HMCN1: variants seen among roughly 807,000 people sequenced by gnomAD.
HMCN1 encodes the protein hemicentin 1, also known as hemicentin-1.
In HMCN1, 321 loss-of-function variants were observed where a neutral mutation model predicts 625.9. The ratio of observed to expected loss-of-function variants is 0.51; its 90% CI spans 0.47 to 0.56. HMCN1 has a LOEUF of 0.56. Ranked by LOEUF, HMCN1 falls within the 20% of genes least tolerant of loss-of-function variation. HMCN1 has a pLI of 0.00. For synonymous variants in HMCN1, 2,425 were observed against 2,417.6 expected (o/e 1.00, Z -0.09); for missense variants, 6,588 against 6,887.3 (o/e 0.96, Z 1.54).
intron 4 of HMCN1, among the ~76,000 whole-genome samples, chr1:185,875,698 C>CTTTAT (rs1395990244): frequency 6.6e-6 from 1 of 151,906 alleles, no homozygotes; most frequent in Admixed American, 6.6e-5. Flanking sequence ...TCTCTGCCTC[C>CTTTAT]TTTACTTTAC....
At chr1:186,023,745 CTG>C (rs1287765020) in intron 36 of HMCN1, among the ~76,000 whole-genome samples, 1 of 152,166 alleles carries the variant, frequency 6.6e-6, no homozygotes, top group Non-Finnish European at 1.5e-5. Context: ...TTGCAGAAAA[CTG>C]TTCAAGATTT....
intron 7 of HMCN1, 96 bp from the exon 8 acceptor site, chr1:185,923,294 A>G: frequency 1.0e-6 from 1 of 956,180 alleles, no homozygotes; most frequent in Non-Finnish European, 1.6e-6. Context: ...AGGCATCCTT[A>G]TGGTACTCAT....
chr1:185,785,861 C>T (rs1441767692), intron 1 of HMCN1, among the ~76,000 whole-genome samples: 1 of 152,180 alleles, frequency 6.6e-6, no homozygotes, highest in East Asian at 1.9e-4. Context: ...TTTAAAAACA[C>T]ATATATCATG....
At chr1:185,997,604 C>A in intron 25 of HMCN1, 80 bp downstream of exon 25, 1 of 984,388 alleles carries the variant, frequency 1.0e-6, no homozygotes, top group South Asian at 1.3e-5. Flanking sequence ...AATTGTCATC[C>A]TTATAAAATT....
chr1:186,075,379 GAATA>G (rs547780873), intron 53 of HMCN1, among the ~76,000 whole-genome samples: 180 of 151,830 alleles, frequency 1.2e-3, no homozygotes, highest in African/African-American at 4.1e-3. Flanking sequence ...ATGAAAGTTG[GAATA>G]AATAAATAAA....
chr1:185,893,277 T>C (rs144606388), intron 4 of HMCN1, among the ~76,000 whole-genome samples: 9,694 of 152,252 alleles, frequency 0.064, 1,087 homozygotes, highest in African/African-American at 0.22. Flanking sequence ...TCTTCTGCGT[T>C]GCTCAGGCTG....
At position 185,846,036 on chromosome 1, in the gene HMCN1, A is replaced by C; in HGVS notation, c.279A>C (p.Pro93=). 6.2e-7 allele frequency: 1 copy of C among 1,607,736 alleles called. No homozygotes were observed. Among genetic ancestry groups the C allele is most frequent in the Non-Finnish European group, 8.5e-7 (1 of 1,174,456 alleles). The change falls in exon 2 of 107, where the codon CCA becomes CCC. Residue 93 remains proline (P), a synonymous_variant. Transcript: ENST00000271588. ...LVPFHDPEIG[P]VTITTDPKKF... is the part of the protein sequence containing the mutation. ...TTTTTATCTTCACAGAAATTGGCCC[A>C]GTGACAATTACCACAGATCCCAAGA...
intron 105 of HMCN1, among the ~76,000 whole-genome samples, chr1:186,185,495 A>G (rs1259387599): frequency 1.3e-5 from 2 of 152,196 alleles, no homozygotes; most frequent in South Asian, 2.1e-4. Context: ...GTTTGTCCAC[A>G]TTGTGTTTCA....
At chr1:186,050,004 T>G (rs1656841241) in intron 42 of HMCN1, among the ~76,000 whole-genome samples, 1 of 151,796 alleles carries the variant, frequency 6.6e-6, no homozygotes, top group African/African-American at 2.4e-5. Flanking sequence ...TTTCACCCAT[T>G]TTCCCTCTCC....
At chr1:185,792,213 C>T (rs559147544) in intron 1 of HMCN1, among the ~76,000 whole-genome samples, 1 of 152,260 alleles carries the variant, frequency 6.6e-6, no homozygotes, top group East Asian at 1.9e-4. Flanking sequence ...ATGCTAATAA[C>T]AACAATTATT....
At chr1:185,814,012 A>G (rs1659691000) in intron 1 of HMCN1, among the ~76,000 whole-genome samples, 1 of 152,144 alleles carries the variant, frequency 6.6e-6, no homozygotes, top group Non-Finnish European at 1.5e-5. Context: ...TCATGTAAGC[A>G]CGTTTAGCTT....
chr1:186,125,682 A>G lies in HMCN1; in HGVS notation c.12578A>G (p.Asp4193Gly), dbSNP rs774808289. ...NSQAILPCVADGIPTPAINWK... is the reference protein window; with the variant it reads ...NSQAILPCVAGGIPTPAINWK... ...CAAGCCATTCTTCCATGCGTAGCTG[A>G]TGGAATCCCCACACCAGCAATTAAC... Residue 4193 changes from aspartate to glycine, a missense_variant, in exon 82 of 107, where the codon GAT (aspartate) becomes GGT (glycine). Transcript: ENST00000271588. 1.9e-6 allele frequency: 3 copies of G among 1,612,920 alleles called. No homozygotes were observed. The highest frequency in any genetic ancestry group is 2.5e-6 in the Non-Finnish European group (3 of 1,179,124).
intron 33 of HMCN1, 124 bp downstream of exon 33, chr1:186,017,195 CT>C (rs1031810355): frequency 2.9e-6 from 2 of 699,562 alleles, no homozygotes; most frequent in Non-Finnish European, 5.3e-6. Context: ...TTATATTCCT[CT>C]TTTAAAAGAC....
chr1:185,902,429 A>T (rs1187224663), intron 4 of HMCN1, among the ~76,000 whole-genome samples: 1 of 150,184 alleles, frequency 6.7e-6, no homozygotes, highest in Non-Finnish European at 1.5e-5. Flanking sequence ...CTATCTATCT[A>T]TCTATCTATC....
chr1:186,160,206 A>G (rs577418633), intron 97 of HMCN1, among the ~76,000 whole-genome samples: 11 of 148,060 alleles, frequency 7.4e-5, no homozygotes, highest in Admixed American at 1.3e-4. Context: ...GTTTATTTGC[A>G]TAGAGGTGTT....
In HMCN1 at chr1:186,178,707, G is replaced by A. The variant is rs1376626027; in HGVS notation, c.16235G>A (p.Arg5412Lys). ...AGCAGAACATCTCTCTCCAGGACTA[G>A]AAGGACTATTAGGAAAACTTGCCCT... ...RNSRTSLSRT[R>K]RTIRKTCPEG... Residue 5412 changes from arginine (R) to lysine (K), a missense_variant, in exon 104 of 107, where the codon AGA becomes AAA. Physicochemically the swap from Arg to Lys is conservative, Grantham distance 26 (BLOSUM62 2). Coordinates refer to ENST00000271588, the MANE Select transcript of HMCN1 (RefSeq NM_031935.3). The A allele has an allele frequency of 1.2e-6, 2 of 1,614,010 alleles. No individual in the cohort carries two copies. Among genetic ancestry groups the A allele is most frequent in the African/African-American group, 2.7e-5 (2 of 74,924 alleles).
chr1:185,828,628 A>G (rs143469661), intron 1 of HMCN1, among the ~76,000 whole-genome samples: 136 of 152,290 alleles, frequency 8.9e-4, no homozygotes, highest in African/African-American at 3.1e-3. Flanking sequence ...TCAAGTAGCC[A>G]TGGAGTGTTA....
At chr1:186,005,915 C>A (rs1452730470) in intron 29 of HMCN1, among the ~76,000 whole-genome samples, 1 of 152,140 alleles carries the variant, frequency 6.6e-6, no homozygotes, top group Non-Finnish European at 1.5e-5. Context: ...GCAAGCGGAT[C>A]ACCTGAGGTC....
chr1:185,782,471 G>T (rs1048846643), intron 1 of HMCN1, among the ~76,000 whole-genome samples: 2 of 152,182 alleles, frequency 1.3e-5, no homozygotes, highest in Non-Finnish European at 2.9e-5. Flanking sequence ...GCATGTCTTT[G>T]CAGTGGTTGG....
Sources: allele counts gnomAD v4.1 joint callset (sites outside exome capture counted in the v4.1 genomes callset), GRCh38; gene constraint gnomAD v4.1.1; transcripts MANE v1.5; gene names NCBI Gene and HGNC (gene_info 2026-07-23, HGNC 2026-07-21).